Variants in EMC2 observed in about 807,000 individuals in gnomAD.
EMC2 encodes ER membrane protein complex subunit 2.
EMC2 carries 37 observed loss-of-function variants against 51.6 expected under a neutral mutation model. The ratio of observed to expected loss-of-function variants is 0.72; its 90% CI spans 0.55 to 0.94. The LOEUF (loss-of-function observed/expected upper bound fraction) is 0.94, where lower values mean the gene tolerates loss of function less well. Ranked by LOEUF, EMC2 falls within the 40% of genes least tolerant of loss-of-function variation. The pLI is 0.00. For synonymous variants in EMC2, 131 were observed against 112.4 expected, an observed-to-expected ratio of 1.17 and a Z score of -1.04; for missense variants, 359 against 350.9, an observed-to-expected ratio of 1.02 and a Z score of -0.18.
At position 108,469,871 on chromosome 8, in the gene EMC2, A is replaced by G. The variant is rs769468091; in HGVS notation, c.409A>G (p.Asn137Asp). The stretch of plus-strand genomic sequence containing the variant: ...TGCCATTCGAAAAGCCCAGGGGAAA[A>G]ATGTGGAGGCCATTCGGGAGCTGAA... ...KIAIRKAQGK[N>D]VEAIRELNEY... The change falls in exon 6 of 11, where the codon AAT becomes GAT. Residue 137 changes from asparagine to aspartate, a missense_variant. Asn to Asp is a conservative substitution (Grantham distance 23, BLOSUM62 1). Coordinates refer to ENST00000220853, the MANE Select transcript of EMC2 (RefSeq NM_014673.5). The G allele has an allele frequency of 9.3e-6, 15 of 1,613,572 alleles. No homozygotes were observed. The South Asian group carries it at 1.3e-4, about 14-fold the overall frequency.
At chr8:108,460,714 T>C (rs1025000249) in intron 5 of EMC2, among the ~76,000 whole-genome samples, 4 of 152,208 alleles carry the variant, frequency 2.6e-5, no homozygotes, top group Non-Finnish European at 5.9e-5. Context: ...TTTGAAAATA[T>C]CTGAGATGTG....
intron 1 of EMC2, among the ~76,000 whole-genome samples, chr8:108,444,232 C>T (rs567325933): frequency 5.3e-5 from 8 of 152,294 alleles, no homozygotes; most frequent in Admixed American, 5.2e-4. Flanking sequence ...TCCTTTTAGT[C>T]TAGTCTCTGT....
chr8:108,472,597 A>G (rs367640455), intron 7 of EMC2, among the ~76,000 whole-genome samples: 1 of 151,772 alleles, frequency 6.6e-6, no homozygotes, highest in South Asian at 2.1e-4. Flanking sequence ...CTGGAAATGC[A>G]TATCTACAGG....
chr8:108,470,517 G>A (rs1275615496), intron 7 of EMC2, among the ~76,000 whole-genome samples: 1 of 152,112 alleles, frequency 6.6e-6, no homozygotes, highest in East Asian at 1.9e-4. Flanking sequence ...TAAAAATTCT[G>A]TCAATTGTAT....
intron 7 of EMC2, among the ~76,000 whole-genome samples, chr8:108,472,225 T>C (rs1399590999): frequency 6.6e-6 from 1 of 151,968 alleles, no homozygotes; most frequent in African/African-American, 2.4e-5. Context: ...CATGTATTTC[T>C]AATATTTATT....
chr8:108,459,305 C>A (rs995902128), intron 5 of EMC2, among the ~76,000 whole-genome samples: 89 of 152,312 alleles, frequency 5.8e-4, no homozygotes, highest in African/African-American at 1.9e-3. Flanking sequence ...CAGGTATCTT[C>A]AGCAACACCC....
chr8:108,459,184 A>G (rs1819244203), intron 5 of EMC2, among the ~76,000 whole-genome samples: 6 of 152,164 alleles, frequency 3.9e-5, no homozygotes, highest in African/African-American at 9.7e-5. Flanking sequence ...AAACCATTCA[A>G]CAAGTCTGTA....
Position 108,443,687 on chromosome 8 carries a change from T to C in EMC2, c.29T>C (p.Val10Ala). The C allele has an allele frequency of 6.2e-7, 1 of 1,610,238 alleles. No homozygotes were observed. Among genetic ancestry groups the C allele is most frequent in the Non-Finnish European group, 8.5e-7 (1 of 1,178,122 alleles). The stretch of plus-strand genomic sequence containing the variant: ...GCGAAGGTCTCAGAGCTTTACGATG[T>C]CACTTGGGAAGGTAACTTCGGGTGG... MAKVSELYD[V>A]TWEEMRDKMR... The change falls in exon 1 of 11, where the codon GTC (valine) becomes GCC (alanine). Residue 10 changes from valine (V) to alanine (A), a missense_variant. Coordinates refer to ENST00000220853, the MANE Select transcript of EMC2 (RefSeq NM_014673.5).
intron 9 of EMC2, among the ~76,000 whole-genome samples, chr8:108,478,491 T>C (rs1810986604): frequency 6.6e-6 from 1 of 152,074 alleles, no homozygotes; most frequent in Non-Finnish European, 1.5e-5. Flanking sequence ...TATTTTGCTT[T>C]GGTCAAGTTA....
At position 108,485,552 on chromosome 8, in the gene EMC2, TATAC is replaced by T. The variant is rs529632390; in HGVS notation, c.808-958_808-955del. ...TATATAATATATATATGTATATATA[TATAC>T]ACACACACACACATACACACACAAT... On this transcript the variant is annotated intron_variant, in intron 10 of 10. Coordinates refer to ENST00000220853, the MANE Select transcript of EMC2 (RefSeq NM_014673.5). 7.8e-3 allele frequency among the ~76,000 whole-genome samples: 1,097 copies of T among 140,944 alleles called. 31 individuals carry two copies. The highest frequency in any genetic ancestry group is 0.027 in the African/African-American group (1,049 of 38,530). 92.5% of individuals were successfully genotyped at this position (140,944 alleles called of 152,430 possible).
intron 1 of EMC2, among the ~76,000 whole-genome samples, chr8:108,444,797 A>G (rs1818838114): frequency 6.6e-6 from 1 of 152,202 alleles, no homozygotes; most frequent in Non-Finnish European, 1.5e-5. Context: ...ATATTAAACA[A>G]CAGTGTTGAT....
At chr8:108,473,497 A>G (rs1165695510) in intron 7 of EMC2, among the ~76,000 whole-genome samples, 2 of 152,066 alleles carry the variant, frequency 1.3e-5, no homozygotes, top group African/African-American at 2.4e-5. Context: ...ATTTTGGTTA[A>G]GGGATACCCA....
At chr8:108,482,231 A>C (rs541818144) in intron 10 of EMC2, among the ~76,000 whole-genome samples, 17 of 152,220 alleles carry the variant, frequency 1.1e-4, no homozygotes, top group African/African-American at 3.9e-4. Flanking sequence ...TTTATTTTGC[A>C]TGTCCCTGAT....
intron 9 of EMC2, among the ~76,000 whole-genome samples, chr8:108,478,478 C>T (rs1320341978): frequency 6.6e-6 from 1 of 151,828 alleles, no homozygotes; most frequent in Admixed American, 6.6e-5. Flanking sequence ...TTCGAAGACC[C>T]ATTATTTTGC....
chr8:108,444,138 T>G (rs1008689026), intron 1 of EMC2, among the ~76,000 whole-genome samples: 2 of 152,224 alleles, frequency 1.3e-5, no homozygotes, highest in African/African-American at 2.4e-5. Flanking sequence ...AGAAAAGCTG[T>G]GTAAAAGATG....
intron 3 of EMC2, among the ~76,000 whole-genome samples, chr8:108,452,211 T>C (rs947330845): frequency 6.6e-6 from 1 of 152,188 alleles, no homozygotes; most frequent in Admixed American, 6.5e-5. Flanking sequence ...TCAAAGAAAT[T>C]GGTATTCCAT....
rs546256411 is a variant in EMC2 at position 108,458,869 on chromosome 8, T to A, written c.363+2939T>A. 3.2e-4 allele frequency among the ~76,000 whole-genome samples: 49 copies of A among 152,338 alleles called. No individual in the cohort carries two copies. In the South Asian group the frequency reaches 9.7e-3, roughly 30 times the overall value. On this transcript the variant is annotated intron_variant, in intron 5 of 10. Transcript: ENST00000220853. ...TCAGAAAATGGGGTTTACTTTTCTA[T>A]TGCATTGTCAGGCTGCAAATTTTCT...
At chr8:108,474,118 C>T (rs1350699236) in intron 7 of EMC2, 1 of 151,770 alleles carries the variant, frequency 6.6e-6, no homozygotes, top group Non-Finnish European at 1.5e-5. Context: ...GGAAGGAGTC[C>T]TTTTCTCATA....
At chr8:108,483,242 T>C (rs1197359824) in intron 10 of EMC2, among the ~76,000 whole-genome samples, 1 of 152,162 alleles carries the variant, frequency 6.6e-6, no homozygotes, top group African/African-American at 2.4e-5. Flanking sequence ...TTGAGGTATA[T>C]TGAGATATAA....
Sources: gnomAD v4.1 joint callset for allele counts (sites outside exome capture counted in the v4.1 genomes callset) on GRCh38, gnomAD v4.1.1 for gene constraint, MANE v1.5 for transcripts, NCBI Gene and HGNC (gene_info 2026-07-23, HGNC 2026-07-21) for gene names.